The following PCDHA11 variants were observed in gnomAD, a reference collection of about 807,000 sequenced individuals.
PCDHA11 encodes protocadherin alpha 11.
Under a neutral mutation model 70.3 loss-of-function variants are expected in PCDHA11, and 61 were observed. The observed-to-expected ratio is 0.87, with a 90% confidence interval of 0.71 to 1.07. The LOEUF (loss-of-function observed/expected upper bound fraction) is 1.07, where lower values mean the gene tolerates loss of function less well. Among genes scored for constraint, PCDHA11 ranks in the 50% least tolerant of loss-of-function variants. The pLI is 0.00. For missense variants in PCDHA11, 1,324 were observed against 1,237.5 expected, an observed-to-expected ratio of 1.07 and a Z score of -1.05; for synonymous variants, 633 against 555.1, an observed-to-expected ratio of 1.14 and a Z score of -1.97.
chr5:141,010,096 A>G lies in PCDHA11; in HGVS notation c.*159A>G. The G allele has an allele frequency of 6.2e-7, 1 of 1,612,840 alleles. No individual in the cohort carries two copies. Among genetic ancestry groups the G allele is most frequent in the Non-Finnish European group, 8.5e-7 (1 of 1,179,378 alleles). ...CCTGTGTCTGTCTAGAACGCATTTA[A>G]CAGGTTTTGTCGTAAAAGCTTTACT... On this transcript the variant is annotated 3_prime_UTR_variant, in exon 4 of 4. Transcript: ENST00000398640.
rs115903226 is a variant in PCDHA11 at position 140,929,361 on chromosome 5, C to A, written c.2392-49588C>A. 4,899 of 1,519,562 alleles carry A rather than the reference C, an allele frequency of 3.2e-3. 25 individuals carry two copies. The highest frequency in any genetic ancestry group is 0.019 in the African/African-American group (1,394 of 71,916). 94.1% of individuals were successfully genotyped at this position (1,519,562 alleles called of 1,614,324 possible). On this transcript the variant is annotated intron_variant, in intron 1 of 3. Coordinates refer to ENST00000398640, the MANE Select transcript of PCDHA11 (RefSeq NM_018902.5). ...TTTATGGAATTTGATTCCTTTGGCC[C>A]GGAGATGGCTGCTAGCTGTGTTTTG...
chr5:140,962,554 C>T lies in PCDHA11; in HGVS notation c.2392-16395C>T, dbSNP rs567554880. ...TTAGAACTAAAAATGTAGAGGATCTCCCCCTAAAAGCCAATTGTTAATGCC... is the reference window on the plus strand; with the variant it reads ...TTAGAACTAAAAATGTAGAGGATCTTCCCCTAAAAGCCAATTGTTAATGCC... On this transcript the variant is annotated intron_variant, in intron 1 of 3. Transcript: ENST00000398640. 3.9e-5 allele frequency among the ~76,000 whole-genome samples: 6 copies of T among 152,284 alleles called. No individual in the cohort carries two copies. The South Asian group carries it at 1.2e-3, about 32-fold the overall frequency.
intron 1 of PCDHA11, among the ~76,000 whole-genome samples, chr5:140,940,172 C>T (rs1177302028): frequency 6.6e-6 from 1 of 152,102 alleles, no homozygotes; most frequent in Non-Finnish European, 1.5e-5. Flanking sequence ...AAATGTCATT[C>T]TTGATAGATA....
chr5:140,883,937 G>C, intron 1 of PCDHA11: 3 of 1,613,414 alleles, frequency 1.9e-6, no homozygotes, highest in Non-Finnish European at 2.5e-6. Context: ...GTTCGTGCTG[G>C]ACGAGAACGA....
chr5:140,875,419 G>A (rs782346114), intron 1 of PCDHA11: 51 of 1,516,154 alleles, frequency 3.4e-5, no homozygotes, highest in Admixed American at 4.8e-5. Context: ...AATACCTCAG[G>A]CAAGCGATCC....
At chr5:140,906,063 A>T (rs572488248) in intron 1 of PCDHA11, among the ~76,000 whole-genome samples, 1 of 152,318 alleles carries the variant, frequency 6.6e-6, no homozygotes, top group South Asian at 2.1e-4. Flanking sequence ...CTGGCAGCTG[A>T]TTAGATCGCA....
At chr5:140,892,850 A>G (rs2063700618) in intron 1 of PCDHA11, among the ~76,000 whole-genome samples, 1 of 152,104 alleles carries the variant, frequency 6.6e-6, no homozygotes, top group Non-Finnish European at 1.5e-5. Flanking sequence ...ACCACAACCC[A>G]TTCCTCCTGT....
At chr5:140,961,083 T>C (rs1470868954) in intron 1 of PCDHA11, among the ~76,000 whole-genome samples, 1 of 152,198 alleles carries the variant, frequency 6.6e-6, no homozygotes, top group Non-Finnish European at 1.5e-5. Context: ...ATCAAGTAAT[T>C]GTTGACTTTT....
chr5:140,975,841 G>T (rs1389959509), intron 1 of PCDHA11, among the ~76,000 whole-genome samples: 1 of 152,066 alleles, frequency 6.6e-6, no homozygotes, highest in Non-Finnish European at 1.5e-5. Context: ...TTATTCTTCA[G>T]TAATACTACA....
At chr5:140,876,292 A>G in intron 1 of PCDHA11, 1 of 1,614,080 alleles carries the variant, frequency 6.2e-7, no homozygotes, top group Non-Finnish European at 8.5e-7. Context: ...CGAAGGACTT[A>G]ATGGAGAAAT....
At chr5:140,948,764 G>T (rs962710607) in intron 1 of PCDHA11, among the ~76,000 whole-genome samples, 1 of 150,728 alleles carries the variant, frequency 6.6e-6, no homozygotes, top group African/African-American at 2.4e-5. Flanking sequence ...GATTTTTTTC[G>T]AATAGCCAGC....
intron 1 of PCDHA11, among the ~76,000 whole-genome samples, chr5:140,952,008 G>A (rs1427518321): frequency 6.6e-6 from 1 of 152,132 alleles, no homozygotes; most frequent in Non-Finnish European, 1.5e-5. Context: ...AAGAATTATA[G>A]GCCCCATGCA....
At chr5:140,967,159 G>A in intron 1 of PCDHA11, 2 of 1,610,752 alleles carry the variant, frequency 1.2e-6, no homozygotes, top group Non-Finnish European at 1.7e-6. Context: ...CCGTGGCGGT[G>A]AGCGCCGTTG....
chr5:141,007,981 T>C (rs1346324109), intron 3 of PCDHA11, among the ~76,000 whole-genome samples: 1 of 152,260 alleles, frequency 6.6e-6, no homozygotes, highest in African/African-American at 2.4e-5. Context: ...GTCATGTATA[T>C]ATGAAATGTA....
intron 1 of PCDHA11, chr5:140,967,281 C>G: frequency 2.5e-6 from 4 of 1,613,102 alleles, no homozygotes; most frequent in Non-Finnish European, 3.4e-6. Flanking sequence ...ATAGAGAGTG[C>G]GCAGGACCCC....
intron 1 of PCDHA11, chr5:140,875,761 G>T (rs373515339): frequency 8.7e-6 from 14 of 1,614,236 alleles, no homozygotes; most frequent in Non-Finnish European, 1.1e-5. Context: ...GAAGCTGTGC[G>T]GGCGGAGCGC....
chr5:140,922,581 C>T (rs893700923), intron 1 of PCDHA11, among the ~76,000 whole-genome samples: 2 of 152,104 alleles, frequency 1.3e-5, no homozygotes, highest in Non-Finnish European at 2.9e-5. Context: ...GCCCTGTAGC[C>T]GCCAGTTCTC....
intron 1 of PCDHA11, among the ~76,000 whole-genome samples, chr5:140,940,470 AT>A (rs201096499): frequency 2.7e-5 from 4 of 149,646 alleles, no homozygotes; most frequent in South Asian, 2.1e-4. Flanking sequence ...GTTCCCTGCA[AT>A]TTTTTTTTTC....
At chr5:140,952,104 C>T (rs1009516552) in intron 1 of PCDHA11, among the ~76,000 whole-genome samples, 3 of 152,102 alleles carry the variant, frequency 2.0e-5, no homozygotes, top group South Asian at 2.1e-4. Flanking sequence ...AGGGCACACT[C>T]GTGTGAGGGA....
Sources: gnomAD v4.1 joint callset for allele counts (sites outside exome capture counted in the v4.1 genomes callset) on GRCh38, gnomAD v4.1.1 for gene constraint, MANE v1.5 for transcripts, NCBI Gene and HGNC (gene_info 2026-07-23, HGNC 2026-07-21) for gene names.